MTR: variants seen among roughly 807,000 people sequenced by gnomAD.
MTR encodes 5-methyltetrahydrofolate-homocysteine methyltransferase.
Under a neutral mutation model 154.8 loss-of-function variants are expected in MTR, and 84 were observed. The ratio of observed to expected loss-of-function variants is 0.54; its 90% confidence interval spans 0.45 to 0.65. MTR has a LOEUF of 0.65. MTR is among the 30% of genes least tolerant of loss of function. The pLI, the probability that MTR is intolerant of heterozygous loss-of-function variation, is 0.00. For synonymous variants in MTR, 554 were observed against 553.9 expected (o/e 1.00, Z 0.00); for missense variants, 1,275 against 1,570.2 (o/e 0.81, Z 3.18).
rs180997228 is a variant in MTR, at chr1:236,888,043, T to A, written c.2852-1138T>A. 7.9e-4 allele frequency among the ~76,000 whole-genome samples: 120 copies of A among 152,266 alleles called. 3 individuals are homozygous for A. Among genetic ancestry groups the A allele is most frequent in the African/African-American group, 2.8e-3 (118 of 41,536 alleles). On this transcript the variant is annotated intron_variant, in intron 27 of 32. Transcript: ENST00000366577. ...GGGATTGTCCCGTGTAGTAGAAGGATGATGAGGAACAAATGGGAAAGGGCT... is the reference window on the plus strand; with the variant it reads ...GGGATTGTCCCGTGTAGTAGAAGGAAGATGAGGAACAAATGGGAAAGGGCT...
Position 236,894,455 on chromosome 1 carries a change from C to A in MTR, c.3303C>A (p.Ala1101=). The A allele has an allele frequency of 6.2e-7, 1 of 1,614,206 alleles. No homozygotes were observed. The highest frequency in any genetic ancestry group is 8.5e-7 in the Non-Finnish European group (1 of 1,180,046). ...SGIRDYLGLF[A]VACFGVEELS... is the part of the protein sequence containing the mutation. ...TCCGTGACTACCTGGGCCTGTTTGC[C>A]GTTGCCTGCTTTGGGGTAGAAGAGC... Residue 1101 remains alanine, a synonymous_variant, in exon 30 of 33, where the codon GCC becomes GCA. Coordinates refer to ENST00000366577, the MANE Select transcript of MTR (RefSeq NM_000254.3).
At chr1:236,831,113 C>A (rs1437309546) in intron 12 of MTR, among the ~76,000 whole-genome samples, 4 of 152,202 alleles carry the variant, frequency 2.6e-5, no homozygotes, top group Non-Finnish European at 4.4e-5. Context: ...GTTGTTCATT[C>A]AGGTAAGTGA....
Position 236,901,609 on chromosome 1 carries a change from A to G in MTR, c.*3965A>G, listed in dbSNP as rs1348634818. 4 of 152,176 alleles carry G rather than the reference A, an allele frequency of 2.6e-5. No homozygotes were observed. The highest frequency in any genetic ancestry group is 6.5e-5 in the Admixed American group (1 of 15,284). The allele number at this position is 152,176 out of a possible 1,614,324, so 9.4% of individuals were successfully genotyped here. A position where few individuals can be genotyped will look rare whatever the true frequency, so the allele number is the denominator to read the frequency against. On this transcript the variant is annotated 3_prime_UTR_variant, in exon 33 of 33. Transcript: ENST00000366577. Reference sequence around the variant, plus strand: ...TAGAGAACAGATGTTTATTTCTTACAGTTCAGGAGTCTGGAAGTCCAAGAT... The same window carrying G: ...TAGAGAACAGATGTTTATTTCTTACGGTTCAGGAGTCTGGAAGTCCAAGAT...
rs73131113 is a variant in MTR, at chr1:236,892,977, C to G, written c.3205-1380C>G. On this transcript the variant is annotated intron_variant, in intron 29 of 32. Coordinates refer to ENST00000366577, the MANE Select transcript of MTR (RefSeq NM_000254.3). The stretch of plus-strand genomic sequence containing the variant: ...CTGGGCCAGGCACATACATTACCTA[C>G]CCAGGTAGCAATTTCTCAGGAGGGG... Among the ~76,000 whole-genome samples, 219 of 152,282 alleles carry G rather than the reference C, an allele frequency of 1.4e-3. 1 individual carries two copies. Among genetic ancestry groups the G allele is most frequent in the African/African-American group, 4.4e-3 (183 of 41,552 alleles).
chr1:236,842,622 T>G (rs924855604), intron 15 of MTR, among the ~76,000 whole-genome samples: 1 of 152,040 alleles, frequency 6.6e-6, no homozygotes, highest in African/African-American at 2.4e-5. Context: ...TACTTTTTAA[T>G]GAAGCAAATA....
At chr1:236,856,466 CTTTCTTCTTTCT>C (rs557482017) in intron 18 of MTR, among the ~76,000 whole-genome samples, 231 of 149,254 alleles carry the variant, frequency 1.5e-3, no homozygotes, top group African/African-American at 5.7e-3. Flanking sequence ...CTTCTTTCTT[CTTTCTTCTTTCT>C]TTTTTTCTTT....
At chr1:236,867,538 T>C (rs1421982042) in intron 22 of MTR, among the ~76,000 whole-genome samples, 1 of 152,234 alleles carries the variant, frequency 6.6e-6, no homozygotes, top group African/African-American at 2.4e-5. Flanking sequence ...AGGAGGAATT[T>C]TGACTTTCAA....
intron 11 of MTR, 105 bp downstream of exon 11, chr1:236,827,001 T>G: frequency 1.9e-6 from 2 of 1,074,842 alleles, no homozygotes; most frequent in Non-Finnish European, 2.8e-6. Flanking sequence ...TTCCAAAATT[T>G]GTATGTTGAA....
Position 236,895,487 on chromosome 1 carries a change from A to T in MTR, c.3535A>T (p.Ser1179Cys), listed in dbSNP as rs1572349718. 6.3e-7 allele frequency: 1 copy of T among 1,595,634 alleles called. No individual in the cohort carries two copies. The highest frequency in any genetic ancestry group is 1.1e-5 in the South Asian group (1 of 87,834). Reference sequence around the variant, plus strand: ...CATCCGCCCGGCTCCTGGCTACCCCAGCCAGCCCGACCACACCGAGAAGCT... The same window carrying T: ...CATCCGCCCGGCTCCTGGCTACCCCTGCCAGCCCGACCACACCGAGAAGCT... ...KGIRPAPGYP[S>C]QPDHTEKLTM... is the part of the protein sequence containing the mutation. The change falls in exon 31 of 33, where the codon AGC becomes TGC. Residue 1179 changes from serine (S) to cysteine (C), a missense_variant. By Grantham distance (112) the Ser-to-Cys change is moderately radical. Transcript: ENST00000366577.
At chr1:236,881,137 A>G (rs7514137) in intron 25 of MTR, among the ~76,000 whole-genome samples, 10 of 152,186 alleles carry the variant, frequency 6.6e-5, no homozygotes, top group African/African-American at 2.4e-4. Flanking sequence ...CACAAACATG[A>G]ATAGATGTTT....
intron 28 of MTR, among the ~76,000 whole-genome samples, chr1:236,890,281 C>A (rs775856596): frequency 2.0e-5 from 3 of 152,208 alleles, no homozygotes; most frequent in African/African-American, 7.2e-5. Context: ...GTCCAGGGGC[C>A]GTGGGACAGG....
chr1:236,831,451 T>C (rs1170644789), intron 12 of MTR, among the ~76,000 whole-genome samples: 1 of 152,184 alleles, frequency 6.6e-6, no homozygotes, highest in Non-Finnish European at 1.5e-5. Context: ...TCAACCTGGA[T>C]CCCTGATTCA....
chr1:236,861,761 A>G (rs1222512243), intron 20 of MTR, among the ~76,000 whole-genome samples: 2 of 152,234 alleles, frequency 1.3e-5, no homozygotes, highest in Non-Finnish European at 2.9e-5. Flanking sequence ...ATCAGTTAAC[A>G]CATACTTGTT....
intron 8 of MTR, among the ~76,000 whole-genome samples, 183 bp downstream of exon 8, chr1:236,816,726 C>T (rs776604755): frequency 3.3e-5 from 5 of 152,154 alleles, no homozygotes; most frequent in Non-Finnish European, 7.4e-5. Context: ...GCTGCCTAAA[C>T]GGGTCAATTT....
At chr1:236,829,294 T>C in intron 12 of MTR, 26 bp downstream of exon 12, 2 of 1,577,012 alleles carry the variant, frequency 1.3e-6, no homozygotes, top group South Asian at 2.2e-5. Context: ...CTGGTATTCC[T>C]GATTGCAGAA....
At chr1:236,868,109 C>G (rs1664919017) in intron 22 of MTR, among the ~76,000 whole-genome samples, 1 of 152,134 alleles carries the variant, frequency 6.6e-6, no homozygotes, top group Non-Finnish European at 1.5e-5. Flanking sequence ...AAGTTAGATT[C>G]AATTGGTGTG....
chr1:236,808,810 T>G, intron 4 of MTR, 37 bp downstream of exon 4: 2 of 1,584,408 alleles, frequency 1.3e-6, no homozygotes, highest in Non-Finnish European at 8.7e-7. Context: ...CACACGTGGT[T>G]CCTTTGATAC....
At position 236,849,474 on chromosome 1, in the gene MTR, G is replaced by T. The variant is rs528736024; in HGVS notation, c.1516-870G>T. ...GATTTAAGGTAGGCTCTGAAAAGGG[G>T]GCACTTGGGCAGAAGCCTTAGTTCT... On this transcript the variant is annotated intron_variant, in intron 15 of 32. Coordinates refer to ENST00000366577, the MANE Select transcript of MTR (RefSeq NM_000254.3). Among the ~76,000 whole-genome samples, 5 of 152,324 alleles carry T rather than the reference G, an allele frequency of 3.3e-5. No homozygotes were observed. In the South Asian group the frequency reaches 1.0e-3, roughly 32 times the overall value.
chr1:236,842,378 T>C (rs1663305267), intron 15 of MTR, among the ~76,000 whole-genome samples: 1 of 152,174 alleles, frequency 6.6e-6, no homozygotes, highest in South Asian at 2.1e-4. Flanking sequence ...TTGAGTTGTT[T>C]TCTTTTCTTT....
Sources: gnomAD v4.1 joint callset for allele counts (sites outside exome capture counted in the v4.1 genomes callset) on GRCh38, gnomAD v4.1.1 for gene constraint, MANE v1.5 for transcripts, NCBI Gene and HGNC (gene_info 2026-07-23, HGNC 2026-07-21) for gene names.